SLC24A3: variants seen among roughly 807,000 people sequenced by gnomAD.
The protein encoded by SLC24A3 is solute carrier family 24 member 3.
Under a neutral mutation model 75.8 loss-of-function variants are expected in SLC24A3, and 28 were observed. The ratio of observed to expected loss-of-function variants is 0.37; its 90% CI spans 0.27 to 0.51. The LOEUF (loss-of-function observed/expected upper bound fraction) is 0.51. Among genes scored for constraint, SLC24A3 ranks in the 20% least tolerant of loss-of-function variants. SLC24A3 has a pLI of 0.94. For synonymous variants in SLC24A3, 372 were observed against 334.1 expected (o/e 1.11, Z -1.24); for missense variants, 663 against 847.8 (o/e 0.78, Z 2.71).
intron 9 of SLC24A3, among the ~76,000 whole-genome samples, chr20:19,679,697 T>C (rs1335686057): frequency 1.3e-5 from 2 of 152,224 alleles, no homozygotes; most frequent in Non-Finnish European, 2.9e-5. Context: ...AATTCCTTAA[T>C]ATCATAAAAT....
chr20:19,549,657 G>T (rs538195910), intron 3 of SLC24A3, among the ~76,000 whole-genome samples: 2 of 152,098 alleles, frequency 1.3e-5, no homozygotes, highest in Non-Finnish European at 2.9e-5. Flanking sequence ...GTTGGCGGGC[G>T]TCTGTAATCC....
chr20:19,679,468 G>C (rs1033490815), intron 9 of SLC24A3, among the ~76,000 whole-genome samples: 1 of 149,634 alleles, frequency 6.7e-6, no homozygotes, highest in Non-Finnish European at 1.5e-5. Flanking sequence ...GTCCAGCTTC[G>C]GCTCGGCATC....
At chr20:19,477,630 T>C (rs948215087) in intron 2 of SLC24A3, among the ~76,000 whole-genome samples, 5 of 152,152 alleles carry the variant, frequency 3.3e-5, no homozygotes, top group African/African-American at 1.2e-4. Context: ...TTTTTGGCTT[T>C]TGGTTCAACT....
chr20:19,438,035 G>T (rs1361532056), intron 2 of SLC24A3, among the ~76,000 whole-genome samples: 11 of 152,160 alleles, frequency 7.2e-5, no homozygotes, highest in Admixed American at 7.2e-4. Context: ...TCCCTGAAAG[G>T]CTCTGGCATT....
At chr20:19,471,653 G>A (rs1053901285) in intron 2 of SLC24A3, among the ~76,000 whole-genome samples, 1 of 116,632 alleles carries the variant, frequency 8.6e-6, no homozygotes, top group African/African-American at 2.6e-5. Context: ...CTCAGAAGCT[G>A]GTTCAGGATG....
chr20:19,423,222 G>C (rs938052450), intron 2 of SLC24A3, among the ~76,000 whole-genome samples: 1 of 152,174 alleles, frequency 6.6e-6, no homozygotes, highest in Non-Finnish European at 1.5e-5. Flanking sequence ...AGCCCTACTG[G>C]TCATCCAGAT....
chr20:19,212,945 C>A lies in SLC24A3; in HGVS notation c.103C>A (p.Leu35Met). The A allele has an allele frequency of 7.5e-7, 1 of 1,339,510 alleles. No homozygotes were observed. 83.0% of individuals were successfully genotyped at this position (1,339,510 alleles called of 1,614,324 possible). The change falls in exon 1 of 17, where the codon CTG becomes ATG. Residue 35 changes from leucine to methionine, a missense_variant. Leu to Met is a conservative substitution (Grantham distance 15). Coordinates refer to ENST00000328041, the MANE Select transcript of SLC24A3 (RefSeq NM_020689.4). ...GCTCTGCTTCCTGGCCTCGGTGGCG[C>A]TGCTGCTCTGGTCGCTGTCGAGCCT... ...SQLCFLASVA[L>M]LLWSLSSLRE...
At chr20:19,230,071 T>TC (rs2122146199) in intron 1 of SLC24A3, among the ~76,000 whole-genome samples, 1 of 152,266 alleles carries the variant, frequency 6.6e-6, no homozygotes, top group African/African-American at 2.4e-5. Flanking sequence ...GATTTTTTTT[T>TC]TTTTTAGAAG....
At chr20:19,633,648 C>CA (rs61251598) in intron 6 of SLC24A3, among the ~76,000 whole-genome samples, 48,614 of 84,988 alleles carry the variant, frequency 0.57, 13,612 homozygotes, top group Non-Finnish European at 0.65. Context: ...GACTCCGTCT[C>CA]AAAAAAAAAA....
chr20:19,643,749 A>G (rs1211326218), intron 6 of SLC24A3, among the ~76,000 whole-genome samples: 1 of 152,224 alleles, frequency 6.6e-6, no homozygotes. Context: ...CATTTTTGTC[A>G]GCACTTCAAA....
At position 19,672,617 on chromosome 20, in the gene SLC24A3, G is replaced by A. The variant is rs1376508896; in HGVS notation, c.714-984G>A. 3.9e-5 allele frequency among the ~76,000 whole-genome samples: 6 copies of A among 152,140 alleles called. No homozygotes were observed. The East Asian group carries it at 1.2e-3, about 29-fold the overall frequency. On this transcript the variant is annotated intron_variant, in intron 8 of 16. Transcript: ENST00000328041. ...CTCCCAAAATGCTGGGATTACAGGA[G>A]CGGGTCACTGTGCCCAGCCTGCATA... is the stretch of plus-strand genomic sequence containing the variant.
At chr20:19,348,276 A>G (rs945005086) in intron 2 of SLC24A3, among the ~76,000 whole-genome samples, 1 of 152,144 alleles carries the variant, frequency 6.6e-6, no homozygotes, top group African/African-American at 2.4e-5. Context: ...TGCTTTCTTC[A>G]AGGAGAACTG....
chr20:19,436,213 A>C (rs1317768758), intron 2 of SLC24A3, among the ~76,000 whole-genome samples: 1 of 152,172 alleles, frequency 6.6e-6, no homozygotes, highest in Non-Finnish European at 1.5e-5. Context: ...TCCTAGTTGC[A>C]CTGAGCCACT....
chr20:19,612,593 G>A (rs949534860), intron 6 of SLC24A3, among the ~76,000 whole-genome samples: 3 of 137,870 alleles, frequency 2.2e-5, no homozygotes, highest in African/African-American at 5.3e-5. Context: ...TAAAACTCAA[G>A]AACCCTTAAG....
intron 2 of SLC24A3, among the ~76,000 whole-genome samples, chr20:19,452,901 G>T (rs1987512294): frequency 6.6e-6 from 1 of 152,094 alleles, no homozygotes; most frequent in South Asian, 2.1e-4. Flanking sequence ...TTAGCCACCT[G>T]TACCAGGCGC....
intron 15 of SLC24A3, among the ~76,000 whole-genome samples, chr20:19,699,656 C>G (rs559112090): frequency 2.0e-5 from 3 of 152,268 alleles, no homozygotes; most frequent in Non-Finnish European, 2.9e-5. Context: ...TATTATAGCA[C>G]AGGATATGGG....
At chr20:19,719,313 AAG>A (rs1197066827) in intron 16 of SLC24A3, among the ~76,000 whole-genome samples, 1 of 152,220 alleles carries the variant, frequency 6.6e-6, no homozygotes, top group Non-Finnish European at 1.5e-5. Flanking sequence ...TCAGGAAAAA[AAG>A]TGTTATTTTA....
At chr20:19,349,199 A>C (rs1381291993) in intron 2 of SLC24A3, among the ~76,000 whole-genome samples, 1 of 152,204 alleles carries the variant, frequency 6.6e-6, no homozygotes, top group Non-Finnish European at 1.5e-5. Context: ...AAGCCAGCAT[A>C]CTTGCATTGA....
intron 7 of SLC24A3, among the ~76,000 whole-genome samples, chr20:19,655,264 TC>T (rs2032252601): frequency 6.6e-6 from 1 of 152,186 alleles, no homozygotes; most frequent in South Asian, 2.1e-4. Context: ...CAGCCAGTCC[TC>T]ACGGCCATCC....
Sources: allele counts gnomAD v4.1 joint callset (sites outside exome capture counted in the v4.1 genomes callset), GRCh38; gene constraint gnomAD v4.1.1; transcripts MANE v1.5; gene names NCBI Gene and HGNC (gene_info 2026-07-23, HGNC 2026-07-21).